The following OPHN1 variants were observed in gnomAD, a reference collection of about 807,000 sequenced individuals.
OPHN1 encodes oligophrenin 1, also known as oligophrenin-1.
OPHN1 carries 11 observed loss-of-function variants against 60.7 expected under a neutral mutation model. The observed-to-expected ratio is 0.18, with a 90% CI of 0.11 to 0.30. The LOEUF (loss-of-function observed/expected upper bound fraction) is 0.30, where lower values mean the gene tolerates loss of function less well. Among genes scored for constraint, OPHN1 ranks in the 10% least tolerant of loss-of-function variants. The pLI, the probability that OPHN1 is intolerant of heterozygous loss-of-function variation, is 1.00. For missense variants in OPHN1, 449 were observed against 611.0 expected (o/e 0.73, Z 2.80); for synonymous variants, 226 against 222.6 (o/e 1.02, Z -0.14).
At chrX:68,143,636 C>G (rs2077252248) in intron 15 of OPHN1, among the ~76,000 whole-genome samples, 1 of 111,299 alleles carries the variant, frequency 9.0e-6, no homozygotes, top group African/African-American at 3.3e-5. Flanking sequence ...ATGTGCTGGA[C>G]AGAGGTTGCC....
At chrX:68,149,744 C>T (rs915877498) in intron 15 of OPHN1, among the ~76,000 whole-genome samples, 5 of 109,640 alleles carry the variant, frequency 4.6e-5, no homozygotes, top group Non-Finnish European at 9.5e-5. Flanking sequence ...CATGGTTCCT[C>T]GAAAACTTAA....
At chrX:68,334,590 A>G (rs900313178) in intron 2 of OPHN1, among the ~76,000 whole-genome samples, 2 of 112,348 alleles carry the variant, frequency 1.8e-5, no homozygotes, top group Admixed American at 9.6e-5. Context: ...ATTTCAATGT[A>G]TAAATTCCAA....
At chrX:68,176,379 G>C (rs928971280) in intron 15 of OPHN1, among the ~76,000 whole-genome samples, 1 of 111,491 alleles carries the variant, frequency 9.0e-6, no homozygotes, top group Admixed American at 9.6e-5. Context: ...CAAAGAATTT[G>C]AATAGACATT....
At chrX:68,292,474 G>C (rs1297070619) in intron 3 of OPHN1, among the ~76,000 whole-genome samples, 1 of 111,169 alleles carries the variant, frequency 9.0e-6, no homozygotes, top group Non-Finnish European at 1.9e-5. Context: ...TTATTCTTCT[G>C]GTAATAAAAT....
chrX:68,360,244 T>C (rs1602354005), intron 2 of OPHN1, among the ~76,000 whole-genome samples: 1 of 110,864 alleles, frequency 9.0e-6, no homozygotes, highest in Admixed American at 9.7e-5. Context: ...AGTGTCACGA[T>C]CATAGCTCAC....
chrX:68,228,462 A>G (rs1256629904), intron 6 of OPHN1, among the ~76,000 whole-genome samples: 1 of 111,177 alleles, frequency 9.0e-6, no homozygotes, highest in East Asian at 2.8e-4. Context: ...CAAAAAAAAA[A>G]GAGAATTTTA....
chrX:68,071,197 T>A, intron 20 of OPHN1: 1 of 664,839 alleles, frequency 1.5e-6, no homozygotes, highest in South Asian at 2.2e-5. Context: ...GTAGTTCAGC[T>A]CCTTCTTCAT....
At chrX:68,346,815 C>A (rs2078381476) in intron 2 of OPHN1, among the ~76,000 whole-genome samples, 1 of 111,727 alleles carries the variant, frequency 9.0e-6, no homozygotes, top group Non-Finnish European at 1.9e-5. Context: ...CACGGGGAAC[C>A]CACAGCCCCC....
chrX:68,139,755 G>A (rs2077234708), intron 15 of OPHN1, among the ~76,000 whole-genome samples: 1 of 112,265 alleles, frequency 8.9e-6, no homozygotes, highest in Admixed American at 9.5e-5. Flanking sequence ...TTCAATGCGG[G>A]CAAGGCCCTA....
intron 20 of OPHN1, chrX:68,071,878 A>G: frequency 3.2e-6 from 1 of 309,086 alleles, no homozygotes; most frequent in Non-Finnish European, 5.7e-6. Flanking sequence ...ATGTGCTGTT[A>G]CTGGCTGCCG....
chrX:68,053,597 T>A, intron 22 of OPHN1, 48 bp downstream of exon 22: 1 of 1,164,937 alleles, frequency 8.6e-7, no homozygotes, highest in Non-Finnish European at 1.2e-6. Flanking sequence ...GCATTCCTAG[T>A]GGCCTAGTAC....
chrX:68,206,551 T>C, intron 10 of OPHN1, 22 bp downstream of exon 10: 1 of 1,133,812 alleles, frequency 8.8e-7, no homozygotes, highest in African/African-American at 1.8e-5. Flanking sequence ...TTTCCAAAAA[T>C]ATGGTGCAAA....
chrX:68,197,047 G>A (rs1029144522), intron 12 of OPHN1, 139 bp downstream of exon 12: 4 of 511,965 alleles, frequency 7.8e-6, no homozygotes, highest in Non-Finnish European at 1.4e-5. Flanking sequence ...TAAGAGATGT[G>A]GAAACAATTC....
chrX:68,202,504 ATT>A (rs35305971), intron 10 of OPHN1, among the ~76,000 whole-genome samples: 86 of 103,032 alleles, frequency 8.3e-4, no homozygotes, highest in African/African-American at 3.0e-3. Context: ...ATTACGCTAC[ATT>A]TTTTTTTTTT....
chrX:68,111,622 C>T (rs1003203070), intron 18 of OPHN1, among the ~76,000 whole-genome samples: 31 of 111,852 alleles, frequency 2.8e-4, no homozygotes, highest in African/African-American at 8.8e-4. Context: ...CCTGTGTCCA[C>T]CCCACTCTAC....
At chrX:68,403,551 T>C (rs2078725759) in intron 2 of OPHN1, among the ~76,000 whole-genome samples, 1 of 111,400 alleles carries the variant, frequency 9.0e-6, no homozygotes, top group Non-Finnish European at 1.9e-5. Context: ...GATGTTGAAA[T>C]GATAGCTGCT....
At chrX:68,186,739 G>A (rs997212752) in intron 15 of OPHN1, among the ~76,000 whole-genome samples, 2 of 111,463 alleles carry the variant, frequency 1.8e-5, no homozygotes, top group East Asian at 5.6e-4. Flanking sequence ...AGTATGGTTG[G>A]GTTCTGATGA....
intron 2 of OPHN1, among the ~76,000 whole-genome samples, chrX:68,381,630 C>G (rs1285367660): frequency 9.0e-6 from 1 of 111,174 alleles, no homozygotes; most frequent in Non-Finnish European, 1.9e-5. Context: ...CCACTTCTTT[C>G]AGGAAGCCTT....
intron 15 of OPHN1, among the ~76,000 whole-genome samples, chrX:68,137,768 T>C (rs1303079631): frequency 8.9e-6 from 1 of 111,745 alleles, no homozygotes; most frequent in African/African-American, 3.3e-5. Flanking sequence ...AGAAGTTATA[T>C]TGACTTATTA....
Sources: allele counts gnomAD v4.1 joint callset (sites outside exome capture counted in the v4.1 genomes callset), GRCh38; gene constraint gnomAD v4.1.1; transcripts MANE v1.5; gene names NCBI Gene and HGNC (gene_info 2026-07-23, HGNC 2026-07-21).